The following PRKCA variants were observed in gnomAD, a reference collection of about 807,000 sequenced individuals.
PRKCA encodes protein kinase C alpha type.
A neutral mutation model predicts 87.0 loss-of-function variants in PRKCA; 27 were observed. The ratio of observed to expected loss-of-function variants is 0.31; its 90% confidence interval spans 0.23 to 0.43. PRKCA has a LOEUF of 0.43. Among genes scored for constraint, PRKCA ranks in the 20% least tolerant of loss-of-function variants. PRKCA has a pLI of 1.00. For synonymous variants in PRKCA, 329 were observed against 311.1 expected (o/e 1.06, Z -0.61); for missense variants, 518 against 852.3 (o/e 0.61, Z 4.88).
chr17:66,653,921 C>A (rs1023449982), intron 5 of PRKCA, among the ~76,000 whole-genome samples: 2 of 152,058 alleles, frequency 1.3e-5, no homozygotes, highest in African/African-American at 4.8e-5. Flanking sequence ...CTCTTCATGA[C>A]AAAGCACACT....
At chr17:66,765,207 A>G (rs2144309086) in intron 13 of PRKCA, among the ~76,000 whole-genome samples, 1 of 152,034 alleles carries the variant, frequency 6.6e-6, no homozygotes, top group African/African-American at 2.4e-5. Flanking sequence ...TGAGATCAGG[A>G]GTTCAAGACC....
intron 5 of PRKCA, among the ~76,000 whole-genome samples, chr17:66,646,708 A>G (rs553654688): frequency 2.6e-5 from 4 of 152,300 alleles, no homozygotes; most frequent in South Asian, 4.2e-4. Context: ...CTTTGGAAAC[A>G]TCCTCAGGTT....
chr17:66,789,954 C>G (rs892829315), intron 16 of PRKCA, among the ~76,000 whole-genome samples: 4 of 152,264 alleles, frequency 2.6e-5, no homozygotes, highest in Non-Finnish European at 4.4e-5. Context: ...GCCGGGCGGA[C>G]TGTGCCTTCC....
At chr17:66,794,630 T>G (rs1405578337) in intron 16 of PRKCA, among the ~76,000 whole-genome samples, 1 of 150,614 alleles carries the variant, frequency 6.6e-6, no homozygotes, top group African/African-American at 2.4e-5. Flanking sequence ...TTTTGTTTTT[T>G]TTTTTTTTGA....
intron 2 of PRKCA, among the ~76,000 whole-genome samples, chr17:66,330,622 C>T (rs1449130356): frequency 6.6e-6 from 1 of 152,078 alleles, no homozygotes; most frequent in East Asian, 1.9e-4. Context: ...TTTTATTAAG[C>T]TAAAATATTC....
At chr17:66,353,859 G>A (rs902654528) in intron 2 of PRKCA, among the ~76,000 whole-genome samples, 20 of 152,138 alleles carry the variant, frequency 1.3e-4, no homozygotes, top group Admixed American at 1.2e-3. Flanking sequence ...TCTTGCTTCA[G>A]CTCTCAGAGC....
intron 8 of PRKCA, chr17:66,703,330 A>T (rs1183880882): frequency 6.6e-6 from 1 of 152,058 alleles, no homozygotes; most frequent in Non-Finnish European, 1.5e-5. Flanking sequence ...TACACAGGTC[A>T]GGATCATCCA....
chr17:66,469,116 C>T (rs1246325355), intron 2 of PRKCA, among the ~76,000 whole-genome samples: 2 of 152,210 alleles, frequency 1.3e-5, no homozygotes, highest in East Asian at 1.9e-4. Flanking sequence ...GCCACAGTTT[C>T]CTTCCTCTTT....
At chr17:66,791,955 G>A (rs924841899) in intron 16 of PRKCA, among the ~76,000 whole-genome samples, 1 of 152,202 alleles carries the variant, frequency 6.6e-6, no homozygotes, top group African/African-American at 2.4e-5. Context: ...ATTCTCTAAC[G>A]GGTCATTTTG....
intron 5 of PRKCA, among the ~76,000 whole-genome samples, chr17:66,686,712 G>T (rs1388817794): frequency 6.6e-6 from 1 of 152,150 alleles, no homozygotes; most frequent in Admixed American, 6.5e-5. Flanking sequence ...GGTTGGGCTG[G>T]TCGCTTCCAT....
intron 3 of PRKCA, among the ~76,000 whole-genome samples, chr17:66,610,045 C>A (rs1287877745): frequency 6.6e-6 from 1 of 152,062 alleles, no homozygotes; most frequent in African/African-American, 2.4e-5. Flanking sequence ...AGTCCCACAA[C>A]ACTGCCCCCC....
intron 2 of PRKCA, among the ~76,000 whole-genome samples, chr17:66,407,293 G>T (rs1374428908): frequency 6.6e-6 from 1 of 152,002 alleles, no homozygotes; most frequent in Non-Finnish European, 1.5e-5. Flanking sequence ...TTTGTGGATG[G>T]TTTAGCACCA....
At chr17:66,380,549 C>T (rs1459392885) in intron 2 of PRKCA, among the ~76,000 whole-genome samples, 1 of 152,168 alleles carries the variant, frequency 6.6e-6, no homozygotes, top group Non-Finnish European at 1.5e-5. Flanking sequence ...TAGCCACCAG[C>T]ATAATCAGTA....
Position 66,689,272 on chromosome 17 carries a change from G to A in PRKCA, c.918+225G>A, listed in dbSNP as rs2286958. 2.6e-5 allele frequency among the ~76,000 whole-genome samples: 4 copies of A among 151,934 alleles called. No individual in the cohort carries two copies. The highest frequency in any genetic ancestry group is 4.4e-5 in the Non-Finnish European group (3 of 67,992). On this transcript the variant is annotated intron_variant, in intron 8 of 16. Coordinates refer to ENST00000413366, the MANE Select transcript of PRKCA (RefSeq NM_002737.3). This position sits in a 1 kb window ranked among gnomAD's most constrained non-coding sequence, Gnocchi z 4.1. ...TTAGAAAATGGAAACTGGAAATATCGCAGAACTGAGAGCATGGTTGATTTC... is the reference window on the plus strand; with the variant it reads ...TTAGAAAATGGAAACTGGAAATATCACAGAACTGAGAGCATGGTTGATTTC...
At chr17:66,767,806 T>G (rs942216271) in intron 13 of PRKCA, among the ~76,000 whole-genome samples, 2 of 152,124 alleles carry the variant, frequency 1.3e-5, no homozygotes, top group African/African-American at 4.8e-5. Context: ...GAACTAGTCA[T>G]GTGGCTCCAA....
intron 2 of PRKCA, among the ~76,000 whole-genome samples, chr17:66,465,216 C>T (rs1482951171): frequency 1.3e-5 from 2 of 152,070 alleles, no homozygotes; most frequent in Non-Finnish European, 2.9e-5. Flanking sequence ...TCTTTTATGT[C>T]TATCCAGAAC....
At chr17:66,364,876 C>T (rs966705210) in intron 2 of PRKCA, among the ~76,000 whole-genome samples, 2 of 152,124 alleles carry the variant, frequency 1.3e-5, no homozygotes, top group Non-Finnish European at 1.5e-5. Flanking sequence ...TTTTCTTCTA[C>T]GTGAGTGGCT....
Position 66,302,843 on chromosome 17 carries a change from G to T in PRKCA, c.-9G>T, listed in dbSNP as rs367919810. 44 of 1,591,260 alleles carry T rather than the reference G, an allele frequency of 2.8e-5. No individual in the cohort carries two copies. The African/African-American group carries it at 3.0e-4, about 11-fold the overall frequency. On this transcript the variant is annotated 5_prime_UTR_variant, in exon 1 of 17. Transcript: ENST00000413366. ...CCCCGGCGGAGGCAAGAGGTGGTTG[G>T]GGGGGACCATGGCTGACGTTTTCCC...
chr17:66,752,321 G>A (rs9902494), intron 13 of PRKCA, among the ~76,000 whole-genome samples: 2,480 of 152,306 alleles, frequency 0.016, 77 homozygotes, highest in African/African-American at 0.057. Flanking sequence ...TGGGCTGGGC[G>A]TGGTGGCTCA....
Sources: allele counts gnomAD v4.1 joint callset (sites outside exome capture counted in the v4.1 genomes callset), GRCh38; gene constraint gnomAD v4.1.1; non-coding constraint Gnocchi (gnomAD v3.1); transcripts MANE v1.5; gene names NCBI Gene and HGNC (gene_info 2026-07-23, HGNC 2026-07-21).